ABR: variants seen among roughly 807,000 people sequenced by gnomAD.
ABR encodes active breakpoint cluster region-related protein.
ABR carries 35 observed loss-of-function variants against 107.2 expected under a neutral mutation model. That is an observed-to-expected ratio of 0.33 (90% CI 0.25 to 0.43). ABR has a LOEUF of 0.43. Ranked by LOEUF, ABR falls within the 20% of genes least tolerant of loss-of-function variation. ABR has a pLI of 1.00. For missense variants in ABR, 815 were observed against 1,115.2 expected, an observed-to-expected ratio of 0.73 and a Z score of 3.83; for synonymous variants, 498 against 462.0, an observed-to-expected ratio of 1.08 and a Z score of -1.00.
intron 2 of ABR, among the ~76,000 whole-genome samples, chr17:1,107,554 G>A (rs921646150): frequency 6.6e-6 from 1 of 152,206 alleles, no homozygotes; most frequent in African/African-American, 2.4e-5. Flanking sequence ...CCTCTGAGTG[G>A]GCCCACATCT....
intron 9 of ABR, among the ~76,000 whole-genome samples, chr17:1,069,077 A>G (rs1297121907): frequency 6.6e-6 from 1 of 152,210 alleles, no homozygotes; most frequent in African/African-American, 2.4e-5. Flanking sequence ...ATCGTGCAGG[A>G]AAGTAAAAGG....
chr17:1,051,706 G>A lies in ABR; in HGVS notation c.1562-1072C>T, dbSNP rs938098150. 6.6e-6 allele frequency among the ~76,000 whole-genome samples: 1 copy of A among 152,232 alleles called. No individual in the cohort carries two copies. Among genetic ancestry groups the A allele is most frequent in the Non-Finnish European group, 1.5e-5 (1 of 68,044 alleles). On this transcript the variant is annotated intron_variant, in intron 14 of 22. Transcript: ENST00000302538. This position sits in a 1 kb window ranked among gnomAD's most constrained non-coding sequence, Gnocchi z 4.3. ...GCGTGAAACAACGTCAGAGGTCACAGTGCGGGCATACAGTGCAGGTGGCTT... is the reference window on the plus strand; with the variant it reads ...GCGTGAAACAACGTCAGAGGTCACAATGCGGGCATACAGTGCAGGTGGCTT...
At chr17:1,218,489 T>C (rs573373375) in intron 1 of ABR, among the ~76,000 whole-genome samples, 1 of 152,320 alleles carries the variant, frequency 6.6e-6, no homozygotes, top group African/African-American at 2.4e-5. Context: ...AGAATAACTT[T>C]GGCCCCAGAA....
At chr17:1,076,193 G>A (rs919281972) in intron 6 of ABR, among the ~76,000 whole-genome samples, 2 of 152,264 alleles carry the variant, frequency 1.3e-5, no homozygotes, top group African/African-American at 2.4e-5. Context: ...ATGAGTACCC[G>A]GCCAACCACT....
Position 1,037,351 on chromosome 17 carries a change from C to T in ABR, c.1791+12699G>A, listed in dbSNP as rs1490157533. Among the ~76,000 whole-genome samples the T allele has an allele frequency of 6.6e-6, 1 of 152,190 alleles. No homozygotes were observed. The highest frequency in any genetic ancestry group is 1.5e-5 in the Non-Finnish European group (1 of 68,040). ...CAGCTCCAGCCTCCCTCTGCCTGAC[C>T]TCCAGCCTCTCTCTGGCCACGTCAG... On this transcript the variant is annotated intron_variant, in intron 16 of 22. Transcript: ENST00000302538. The surrounding 1 kb of genome is among the most constrained non-coding windows in gnomAD (Gnocchi z 4.6).
chr17:1,220,687 C>T (rs1049274714), intron 1 of ABR, among the ~76,000 whole-genome samples: 4 of 152,204 alleles, frequency 2.6e-5, no homozygotes, highest in African/African-American at 9.6e-5. Flanking sequence ...ACCCTCCTTG[C>T]AATGGGTTCC....
At position 1,053,915 on chromosome 17, in the gene ABR, C is replaced by A. The variant is rs186670262; in HGVS notation, c.1561+2120G>T. Among the ~76,000 whole-genome samples, 595 of 152,264 alleles carry A rather than the reference C, an allele frequency of 3.9e-3. 1 individual carries two copies. Among genetic ancestry groups the A allele is most frequent in the Admixed American group, 6.2e-3 (95 of 15,300 alleles). On this transcript the variant is annotated intron_variant, in intron 14 of 22. Transcript: ENST00000302538. ...CCAGAAGCTCCTCAGCGGCAGCCCC[C>A]AAGAAGGGAGGTCTGTGGGTCTGGA...
intron 3 of ABR, 133 bp from the exon 4 acceptor site, chr17:1,091,983 C>A: frequency 1.1e-6 from 1 of 923,664 alleles, no homozygotes; most frequent in Non-Finnish European, 1.6e-6. Context: ...AGGCAGGGCA[C>A]TGAAACGAGC....
Position 1,027,277 on chromosome 17 carries a change from G to C in ABR, c.1792-14113C>G, listed in dbSNP as rs2072272602. ...CAAGCCGTCTGTGGCCTGCAGGGAG[G>C]CCGGGGAGGACCAGCGCCCTTCTAC... On this transcript the variant is annotated intron_variant, in intron 16 of 22. Coordinates refer to ENST00000302538, the MANE Select transcript of ABR (RefSeq NM_021962.5). This position sits in a 1 kb window ranked among gnomAD's most constrained non-coding sequence, Gnocchi z 4.7. Among the ~76,000 whole-genome samples the C allele has an allele frequency of 1.3e-5, 2 of 152,138 alleles. No homozygotes were observed. The highest frequency in any genetic ancestry group is 4.8e-5 in the African/African-American group (2 of 41,412).
rs557482492 is a variant in ABR, at chr17:1,175,337, G to A, written c.61+4330C>T. Among the ~76,000 whole-genome samples the A allele has an allele frequency of 2.6e-5, 4 of 152,240 alleles. No individual in the cohort carries two copies. The East Asian group carries it at 7.8e-4, about 30-fold the overall frequency. ...TGAGGCAGGAGAATCGCTTGAACCG[G>A]GGAGGCGGAGGTTGCAGTGAGCCGA... On this transcript the variant is annotated intron_variant, in intron 1 of 22. Transcript: ENST00000302538.
At chr17:1,041,456 C>T (rs562072362) in intron 16 of ABR, among the ~76,000 whole-genome samples, 8 of 152,162 alleles carry the variant, frequency 5.3e-5, no homozygotes, top group Admixed American at 2.0e-4. Context: ...GAAACTTGGC[C>T]GGGTGCGGTG....
intron 2 of ABR, among the ~76,000 whole-genome samples, chr17:1,120,344 T>A (rs1231842453): frequency 1.3e-5 from 2 of 152,048 alleles, no homozygotes; most frequent in Non-Finnish European, 2.9e-5. Context: ...TGATCTCAGC[T>A]CACTGCAACC....
chr17:1,122,775 G>A (rs1284087971), intron 2 of ABR, among the ~76,000 whole-genome samples: 11 of 152,138 alleles, frequency 7.2e-5, no homozygotes, highest in Admixed American at 5.2e-4. Flanking sequence ...TACAGATAAC[G>A]CACACACCCT....
chr17:1,006,823 G>A (rs9902181), intron 22 of ABR, among the ~76,000 whole-genome samples: 11 of 63,364 alleles, frequency 1.7e-4, no homozygotes, highest in Admixed American at 1.1e-3. Flanking sequence ...CCACGGGCCC[G>A]GGCGGTGCCA....
intron 1 of ABR, among the ~76,000 whole-genome samples, chr17:1,171,983 C>A (rs1050753668): frequency 1.4e-4 from 22 of 152,182 alleles, no homozygotes; most frequent in Non-Finnish European, 2.5e-4. Flanking sequence ...CAGGTCACCA[C>A]AGAGCCGACC....
At chr17:1,034,350 T>C (rs931134279) in intron 16 of ABR, among the ~76,000 whole-genome samples, 4 of 152,020 alleles carry the variant, frequency 2.6e-5, no homozygotes, top group African/African-American at 9.7e-5. Context: ...CAAAAGTCAG[T>C]GCTTGACAAA....
At chr17:1,141,737 G>C (rs989445225) in intron 1 of ABR, among the ~76,000 whole-genome samples, 2 of 151,908 alleles carry the variant, frequency 1.3e-5, no homozygotes, top group Non-Finnish European at 2.9e-5. Flanking sequence ...TTCAGCACAG[G>C]CTGGTGGACT....
intron 1 of ABR, among the ~76,000 whole-genome samples, chr17:1,165,001 T>A (rs1454035241): frequency 2.0e-5 from 3 of 152,222 alleles, no homozygotes; most frequent in Non-Finnish European, 4.4e-5. Flanking sequence ...TAACGGGGCA[T>A]CCTTATTTTT....
chr17:1,212,607 T>G (rs1315248429), intron 1 of ABR, among the ~76,000 whole-genome samples: 1 of 145,228 alleles, frequency 6.9e-6, no homozygotes, highest in East Asian at 2.2e-4. Flanking sequence ...ATACAAAAAT[T>G]GGCCGGGCAT....
Sources: allele counts gnomAD v4.1 joint callset (sites outside exome capture counted in the v4.1 genomes callset), GRCh38; gene constraint gnomAD v4.1.1; non-coding constraint Gnocchi (gnomAD v3.1); transcripts MANE v1.5; gene names NCBI Gene and HGNC (gene_info 2026-07-23, HGNC 2026-07-21).